Variants in ZDHHC6 observed in about 807,000 individuals in gnomAD.
ZDHHC6 encodes the protein zDHHC palmitoyltransferase 6, also known as palmitoyltransferase ZDHHC6.
In ZDHHC6, 32 loss-of-function variants were observed where a neutral mutation model predicts 57.8. The observed-to-expected ratio is 0.55, with a 90% confidence interval of 0.42 to 0.74. The LOEUF is 0.74. Among genes scored for constraint, ZDHHC6 ranks in the 30% least tolerant of loss-of-function variants. The probability of loss-of-function intolerance (pLI) is 0.00; values close to 1 mark genes in which losing one functional copy is unlikely to be tolerated. For synonymous variants in ZDHHC6, 128 were observed against 158.0 expected (o/e 0.81, Z 1.42); for missense variants, 433 against 500.7 (o/e 0.86, Z 1.29).
downstream of ZDHHC6, among the ~76,000 whole-genome samples, chr10:112,429,981 G>T (rs988496090): frequency 4.0e-5 from 6 of 149,194 alleles, no homozygotes; most frequent in South Asian, 2.1e-4. Context: ...GGGGGGTGTG[G>T]GGGGGGTATT....
chr10:112,442,066 C>CA, intron 4 of ZDHHC6, 126 bp downstream of exon 4: 1 of 1,176,048 alleles, frequency 8.5e-7, no homozygotes. Flanking sequence ...ACCAGTAAAA[C>CA]AAAGTTCTAT....
In ZDHHC6 at chr10:112,434,371, T is replaced by A. The variant is rs746919640; in HGVS notation, c.829A>T (p.Thr277Ser). 5 of 1,613,962 alleles carry A rather than the reference T, an allele frequency of 3.1e-6. No homozygotes were observed. Among genetic ancestry groups the A allele is most frequent in the Non-Finnish European group, 4.2e-6 (5 of 1,179,888 alleles). ...SRWRNFKQVF[T>S]WSGVPEGDGL... ...TCTCCTTCAGGGACCCCTGACCACG[T>A]AAATACCTGTTTAAAGTTCCTCCAT... Residue 277 changes from threonine to serine, a missense_variant, in exon 7 of 11, where the codon ACG becomes TCG. By Grantham distance (58) the Thr-to-Ser change is moderately conservative. Transcript: ENST00000369405.
upstream of ZDHHC6, chr10:112,447,038 C>A: frequency 1.1e-5 from 3 of 284,968 alleles, no homozygotes; most frequent in South Asian, 7.3e-5. Context: ...ATTCCCAGAA[C>A]ACGAAGGGGG....
intron 7 of ZDHHC6, chr10:112,433,523 T>C: frequency 2.8e-6 from 1 of 357,732 alleles, no homozygotes; most frequent in Non-Finnish European, 5.1e-6. Context: ...CATCTGTGTA[T>C]ATTCCTAGAG....
At chr10:112,425,731 A>G (rs1844653664), downstream of ZDHHC6, 1 of 354,980 alleles carries the variant, frequency 2.8e-6, no homozygotes, top group African/African-American at 2.1e-5. Context: ...AAAGGTAATG[A>G]TTCAGTAAAA....
At chr10:112,447,516 G>A (rs1033887744), upstream of ZDHHC6, 9 of 1,594,046 alleles carry the variant, frequency 5.6e-6, no homozygotes, top group Non-Finnish European at 6.8e-6. Flanking sequence ...AGCTGGGAGG[G>A]TGCGGGCGGT....
intron 5 of ZDHHC6, 55 bp from the exon 6 acceptor site, chr10:112,438,444 T>C: frequency 8.1e-7 from 1 of 1,232,996 alleles, no homozygotes; most frequent in Non-Finnish European, 1.1e-6. Context: ...CCTTTAAGAT[T>C]ATCATATTCA....
downstream of ZDHHC6, chr10:112,426,990 AC>A: frequency 1.1e-6 from 1 of 927,204 alleles, no homozygotes; most frequent in South Asian, 1.6e-5. Flanking sequence ...CTACAAAATG[AC>A]CTTTTGTAGT....
chr10:112,425,886 C>T (rs921268454), downstream of ZDHHC6, among the ~76,000 whole-genome samples: 5 of 152,106 alleles, frequency 3.3e-5, no homozygotes, highest in African/African-American at 1.2e-4. Context: ...TTGTTTTATA[C>T]ATACTATGCT....
chr10:112,426,710 G>A, downstream of ZDHHC6: 1 of 1,262,270 alleles, frequency 7.9e-7, no homozygotes, highest in Non-Finnish European at 1.2e-6. Context: ...GCTTTGACAG[G>A]CACTTTGAGT....
At chr10:112,443,641 G>A (rs373100132) in intron 2 of ZDHHC6, 35 bp from the exon 3 acceptor site, 20 of 1,522,116 alleles carry the variant, frequency 1.3e-5, no homozygotes, top group Admixed American at 8.5e-5. Flanking sequence ...ATGCATCATC[G>A]GATACTTGAA....
In ZDHHC6 at chr10:112,445,221, G is replaced by A; in HGVS notation, c.216C>T (p.Tyr72=). 3 of 1,614,176 alleles carry A rather than the reference G, an allele frequency of 1.9e-6. No individual in the cohort carries two copies. The highest frequency in any genetic ancestry group is 1.3e-5 in the African/African-American group (1 of 75,048). ...CCGGACCGACAAACATGGCATTGAAGTAATTATAAAGAATCATGACAGTCC... is the reference window on the plus strand; with the variant it reads ...CCGGACCGACAAACATGGCATTGAAATAATTATAAAGAATCATGACAGTCC... ...INWTVMILYN[Y]FNAMFVGPGF... is the part of the protein sequence containing the mutation. Residue 72 remains tyrosine, a synonymous_variant, in exon 2 of 11, where the codon TAC becomes TAT. Transcript: ENST00000369405.
chr10:112,426,733 A>C, downstream of ZDHHC6: 2 of 1,518,324 alleles, frequency 1.3e-6, no homozygotes, highest in South Asian at 2.3e-5. Context: ...GTTCATGCTT[A>C]GCCCTTCAGG....
At chr10:112,433,214 A>AG in intron 8 of ZDHHC6, 26 bp downstream of exon 8, 2 of 1,556,946 alleles carry the variant, frequency 1.3e-6, no homozygotes, top group Admixed American at 2.1e-5. Context: ...AGAAAAAAAA[A>AG]TTACCACTGC....
chr10:112,443,117 C>T (rs1407844380), intron 3 of ZDHHC6, among the ~76,000 whole-genome samples: 1 of 152,066 alleles, frequency 6.6e-6, no homozygotes, highest in African/African-American at 2.4e-5. Flanking sequence ...AAATGTTTGT[C>T]AATAAGTAAT....
chr10:112,445,327 A>G lies in ZDHHC6; in HGVS notation c.110T>C (p.Met37Thr). 1.9e-6 allele frequency: 3 copies of G among 1,614,224 alleles called. No homozygotes were observed. The highest frequency in any genetic ancestry group is 2.5e-6 in the Non-Finnish European group (3 of 1,180,040). Residue 37 changes from methionine (M) to threonine (T), a missense_variant, in exon 2 of 11, where the codon ATG becomes ACG. Transcript: ENST00000369405. ...ALGVIAICST[M>T]AMIDSVLWYW... ...CCACAACACAGAGTCAATCATGGCC[A>G]TGGTAGAACATATTGCTATAACACC...
downstream of ZDHHC6, among the ~76,000 whole-genome samples, chr10:112,429,978 G>T (rs1844889469): frequency 7.5e-6 from 1 of 134,158 alleles, no homozygotes; most frequent in African/African-American, 2.7e-5. Context: ...GGGGGGGGGT[G>T]TGGGGGGGGT....
chr10:112,443,649 G>T, intron 2 of ZDHHC6, 43 bp from the exon 3 acceptor site: 1 of 1,451,098 alleles, frequency 6.9e-7, no homozygotes, highest in Non-Finnish European at 9.7e-7. Context: ...TCGGATACTT[G>T]AATATAAGTA....
At chr10:112,430,963 C>A in intron 10 of ZDHHC6, 56 bp from the exon 11 acceptor site, 1 of 1,437,510 alleles carries the variant, frequency 7.0e-7, no homozygotes, top group Admixed American at 1.7e-5. Flanking sequence ...AGTGACATTA[C>A]TGAAAGCAGT....
Sources: allele counts gnomAD v4.1 joint callset (sites outside exome capture counted in the v4.1 genomes callset), GRCh38; gene constraint gnomAD v4.1.1; transcripts MANE v1.5; gene names NCBI Gene and HGNC (gene_info 2026-07-23, HGNC 2026-07-21).